The following RBMS2 variants were observed in gnomAD, a reference collection of about 807,000 sequenced individuals.
RBMS2 encodes RNA-binding motif, single-stranded-interacting protein 2.
RBMS2 carries 38 observed loss-of-function variants against 58.4 expected under a neutral mutation model. The observed-to-expected ratio is 0.65, with a 90% confidence interval of 0.50 to 0.85. The LOEUF is 0.85. Among genes scored for constraint, RBMS2 ranks in the 40% least tolerant of loss-of-function variants. The probability of loss-of-function intolerance (pLI) is 0.00; values close to 1 mark genes in which losing one functional copy is unlikely to be tolerated. For missense variants in RBMS2, 367 were observed against 503.7 expected (o/e 0.73, Z 2.60); for synonymous variants, 151 against 180.7 (o/e 0.84, Z 1.32).
chr12:56,546,307 T>C lies in RBMS2; in HGVS notation c.67-16110T>C, dbSNP rs141131830. On this transcript the variant is annotated intron_variant, in intron 1 of 13. Transcript: ENST00000262031. ...TATAAATGTATAATGCATTATAAAA[T>C]AATACATTATAAAAAATAATAATAC... 7.2e-3 allele frequency among the ~76,000 whole-genome samples: 1,063 copies of C among 147,852 alleles called. 14 individuals are homozygous for C. Among genetic ancestry groups the C allele is most frequent in the African/African-American group, 0.024 (970 of 40,438 alleles).
At chr12:56,579,840 T>G (rs966172152) in intron 5 of RBMS2, among the ~76,000 whole-genome samples, 9 of 152,320 alleles carry the variant, frequency 5.9e-5, no homozygotes, top group African/African-American at 2.2e-4. Flanking sequence ...TCTCCTTTGA[T>G]CTACACAACA....
chr12:56,572,565 T>A (rs949638834), intron 5 of RBMS2, among the ~76,000 whole-genome samples: 1 of 152,114 alleles, frequency 6.6e-6, no homozygotes, highest in Non-Finnish European at 1.5e-5. Context: ...AGTAAAAAAT[T>A]CTGTATATTC....
intron 5 of RBMS2, among the ~76,000 whole-genome samples, chr12:56,572,071 C>T (rs771512307): frequency 1.3e-5 from 2 of 151,972 alleles, no homozygotes; most frequent in African/African-American, 2.4e-5. Flanking sequence ...GGCATATCAC[C>T]TGAGGTCAGG....
At chr12:56,522,197 A>C in intron 1 of RBMS2, 108 bp downstream of exon 1, 1 of 838,410 alleles carries the variant, frequency 1.2e-6, no homozygotes, top group Non-Finnish European at 1.9e-6. Flanking sequence ...TTCCTCTCTC[A>C]AGATTCCTAA....
chr12:56,572,258 C>T (rs1300230103), intron 5 of RBMS2, among the ~76,000 whole-genome samples: 2 of 136,866 alleles, frequency 1.5e-5, no homozygotes, highest in African/African-American at 5.6e-5. Flanking sequence ...CACTGCACTG[C>T]AGCCTGGGGA....
At chr12:56,524,001 T>C (rs867201197) in intron 1 of RBMS2, among the ~76,000 whole-genome samples, 6 of 152,192 alleles carry the variant, frequency 3.9e-5, no homozygotes, top group African/African-American at 1.4e-4. Context: ...CCAGAACTCA[T>C]TAAAATAAAA....
At chr12:56,570,334 T>C (rs751880038) in intron 4 of RBMS2, among the ~76,000 whole-genome samples, 7 of 152,184 alleles carry the variant, frequency 4.6e-5, no homozygotes, top group Non-Finnish European at 1.0e-4. Context: ...TGCAACATTC[T>C]CTGAACAAGT....
chr12:56,579,686 T>C (rs1009532014), intron 5 of RBMS2, among the ~76,000 whole-genome samples: 7 of 152,094 alleles, frequency 4.6e-5, no homozygotes, highest in Admixed American at 3.9e-4. Flanking sequence ...TGGTGGTCAT[T>C]GGCACAGAAA....
chr12:56,586,768 G>A, intron 9 of RBMS2, 81 bp from the exon 10 acceptor site: 1 of 1,238,372 alleles, frequency 8.1e-7, no homozygotes, highest in South Asian at 1.3e-5. Context: ...AAACTTTTCT[G>A]AGCTTTGTTG....
At chr12:56,572,484 C>T (rs1160697638) in intron 5 of RBMS2, among the ~76,000 whole-genome samples, 1 of 152,014 alleles carries the variant, frequency 6.6e-6, no homozygotes, top group Non-Finnish European at 1.5e-5. Flanking sequence ...AGCCACCACA[C>T]TCGGCTAAGC....
rs1224989813 is a variant in RBMS2 at position 56,581,603 on chromosome 12, T to G, written c.732+95T>G. On this transcript the variant is annotated intron_variant, in intron 7 of 13. Coordinates refer to ENST00000262031, the MANE Select transcript of RBMS2 (RefSeq NM_002898.4). The stretch of plus-strand genomic sequence containing the variant: ...TTTCTGTGAGCTTAGGTGGAAAGCT[T>G]GAGAGCTACAGTACGTAATTGAGAA... 3.7e-5 allele frequency: 49 copies of G among 1,339,098 alleles called. No homozygotes were observed. The Admixed American group carries it at 9.3e-4, about 25-fold the overall frequency. 83.0% of individuals were successfully genotyped at this position (1,339,098 alleles called of 1,614,324 possible). A position where few individuals can be genotyped will look rare whatever the true frequency, so the allele number is the denominator to read the frequency against.
At chr12:56,529,094 G>T (rs1253181952) in intron 1 of RBMS2, among the ~76,000 whole-genome samples, 1 of 152,078 alleles carries the variant, frequency 6.6e-6, no homozygotes, top group Non-Finnish European at 1.5e-5. Context: ...ATGCCCAAGA[G>T]AAATGGAAAC....
intron 1 of RBMS2, among the ~76,000 whole-genome samples, chr12:56,538,671 A>G (rs2939310): frequency 0.61 from 91,287 of 150,644 alleles, 28,062 homozygotes; most frequent in East Asian, 0.72. Flanking sequence ...TAGTAGAGAT[A>G]CGGTTTCACC....
chr12:56,556,214 C>T (rs1018757320), intron 1 of RBMS2, among the ~76,000 whole-genome samples: 1 of 151,972 alleles, frequency 6.6e-6, no homozygotes, highest in African/African-American at 2.4e-5. Flanking sequence ...CAAGACCAGC[C>T]TGGGCAACAT....
intron 5 of RBMS2, among the ~76,000 whole-genome samples, 191 bp from the exon 6 acceptor site, chr12:56,580,993 G>T (rs1324732036): frequency 6.6e-6 from 1 of 152,194 alleles, no homozygotes; most frequent in Non-Finnish European, 1.5e-5. Context: ...CCAGTTGAAA[G>T]AACCTTCATT....
chr12:56,582,054 C>A lies in RBMS2; in HGVS notation c.780-5C>A. The A allele has an allele frequency of 6.3e-7, 1 of 1,599,666 alleles. No homozygotes were observed. Among genetic ancestry groups the A allele is most frequent in the Non-Finnish European group, 8.5e-7 (1 of 1,171,790 alleles). On this transcript the variant is annotated splice_region_variant and splice_polypyrimidine_tract_variant and intron_variant, in intron 8 of 13. Transcript: ENST00000262031. The stretch of plus-strand genomic sequence containing the variant: ...CTCAGTACTGATTGAGGTTCCTTCC[C>A]ACAGGTTTTACCCAGCCCCCTATAA...
At chr12:56,528,928 AAAAG>A (rs1200772908) in intron 1 of RBMS2, among the ~76,000 whole-genome samples, 3 of 152,000 alleles carry the variant, frequency 2.0e-5, no homozygotes, top group Admixed American at 6.6e-5. Flanking sequence ...TCTGTATCAA[AAAAG>A]AAAGAAAGAA....
chr12:56,533,143 C>T (rs1305430271), intron 1 of RBMS2, among the ~76,000 whole-genome samples: 1 of 151,972 alleles, frequency 6.6e-6, no homozygotes, highest in Admixed American at 6.6e-5. Flanking sequence ...CTCTGTCATC[C>T]AGAGTGGAGT....
chr12:56,578,863 C>T (rs951815066), intron 5 of RBMS2, among the ~76,000 whole-genome samples: 1 of 151,930 alleles, frequency 6.6e-6, no homozygotes, highest in African/African-American at 2.4e-5. Flanking sequence ...TACTTGGGAG[C>T]TGAGGTAGGA....
Sources: gnomAD v4.1 joint callset for allele counts (sites outside exome capture counted in the v4.1 genomes callset) on GRCh38, gnomAD v4.1.1 for gene constraint, MANE v1.5 for transcripts, NCBI Gene and HGNC (gene_info 2026-07-23, HGNC 2026-07-21) for gene names.